The following ATP8B4 variants were observed in gnomAD, a reference collection of about 807,000 sequenced individuals.
The protein encoded by ATP8B4 is ATPase phospholipid transporting 8B4 (putative), also known as probable phospholipid-transporting ATPase IM.
Under a neutral mutation model 145.6 loss-of-function variants are expected in ATP8B4, and 133 were observed. That is an observed-to-expected ratio of 0.91 (90% confidence interval 0.79 to 1.05). ATP8B4 has a LOEUF of 1.05. Among genes scored for constraint, ATP8B4 ranks in the 50% least tolerant of loss-of-function variants. The pLI, the probability that ATP8B4 is intolerant of heterozygous loss-of-function variation, is 0.00. For synonymous variants in ATP8B4, 507 were observed against 492.9 expected (o/e 1.03, Z -0.38); for missense variants, 1,458 against 1,425.2 (o/e 1.02, Z -0.37).
At chr15:50,059,922 G>A (rs2052884791) in intron 3 of ATP8B4, among the ~76,000 whole-genome samples, 1 of 152,084 alleles carries the variant, frequency 6.6e-6, no homozygotes, top group Admixed American at 6.6e-5. Context: ...TTTAGAAACT[G>A]GTTTTCCCCA....
intron 6 of ATP8B4, among the ~76,000 whole-genome samples, chr15:50,031,615 T>C (rs1318985578): frequency 6.6e-6 from 1 of 151,998 alleles, no homozygotes; most frequent in African/African-American, 2.4e-5. Context: ...AGAGAATATT[T>C]AATAAGAGTA....
At chr15:50,039,582 G>T (rs1265663539) in intron 5 of ATP8B4, among the ~76,000 whole-genome samples, 1 of 152,180 alleles carries the variant, frequency 6.6e-6, no homozygotes, top group Non-Finnish European at 1.5e-5. Flanking sequence ...AAGTAATATA[G>T]AGAAAATGGT....
chr15:50,177,601 A>G (rs1053269927), intron 1 of ATP8B4, among the ~76,000 whole-genome samples: 29 of 152,348 alleles, frequency 1.9e-4, no homozygotes, highest in African/African-American at 6.7e-4. Flanking sequence ...GGATCCTCCC[A>G]GAGCCCCTTT....
intron 7 of ATP8B4, among the ~76,000 whole-genome samples, chr15:50,002,666 C>A (rs1393411295): frequency 6.7e-6 from 1 of 149,926 alleles, no homozygotes; most frequent in Non-Finnish European, 1.5e-5. Flanking sequence ...ATGGAGGAAA[C>A]TGAAAAAATA....
At chr15:50,129,067 CA>C (rs1419110893) in intron 1 of ATP8B4, among the ~76,000 whole-genome samples, 1 of 151,892 alleles carries the variant, frequency 6.6e-6, no homozygotes, top group Non-Finnish European at 1.5e-5. Flanking sequence ...GACTCCGTCT[CA>C]AAAAAATAAA....
rs1469282677 is a variant in ATP8B4 at position 49,895,770 on chromosome 15, G to A, written c.2697+1522C>T. The A allele has an allele frequency of 3.3e-5, 5 of 152,348 alleles. No individual in the cohort carries two copies. The East Asian group carries it at 9.6e-4, about 29-fold the overall frequency. 9.4% of individuals were successfully genotyped at this position (152,348 alleles called of 1,614,324 possible). On this transcript the variant is annotated intron_variant, in intron 23 of 27. Transcript: ENST00000284509. ...GAAAATGACCTAAATGTAGAGGTTA[G>A]AAGTCATTGAACGTTAGTTTCAACT... is the stretch of plus-strand genomic sequence containing the variant.
chr15:50,153,405 C>T (rs892396865), intron 1 of ATP8B4, among the ~76,000 whole-genome samples: 3 of 150,196 alleles, frequency 2.0e-5, no homozygotes, highest in Non-Finnish European at 4.4e-5. Context: ...GTGGCACGAT[C>T]TCAGCTCACT....
At chr15:49,897,953 T>G (rs899793941) in intron 22 of ATP8B4, 115 bp downstream of exon 22, 5 of 1,188,600 alleles carry the variant, frequency 4.2e-6, no homozygotes, top group Admixed American at 4.5e-5. Context: ...ATCATTCATT[T>G]TAGAATCACT....
chr15:49,972,793 A>G lies in ATP8B4; in HGVS notation c.1035-3T>C, dbSNP rs2045288392. 1.2e-6 allele frequency: 2 copies of G among 1,609,636 alleles called. No individual in the cohort carries two copies. The highest frequency in any genetic ancestry group is 1.7e-6 in the Non-Finnish European group (2 of 1,178,344). Reference sequence around the variant, plus strand: ...GTCCTAGACGAATTACTTCCACACTATCATCCATTAAAATGGAAAAAAAGA... The same window carrying G: ...GTCCTAGACGAATTACTTCCACACTGTCATCCATTAAAATGGAAAAAAAGA... On this transcript the variant is annotated splice_region_variant and splice_polypyrimidine_tract_variant and intron_variant, in intron 12 of 27. Coordinates refer to ENST00000284509, the MANE Select transcript of ATP8B4 (RefSeq NM_024837.4).
intron 23 of ATP8B4, among the ~76,000 whole-genome samples, chr15:49,884,207 A>G (rs1346580678): frequency 1.3e-5 from 2 of 152,176 alleles, no homozygotes; most frequent in South Asian, 4.1e-4. Context: ...TGAGAACGCC[A>G]GCCAAGCAAG....
chr15:50,021,290 T>C (rs565477037), intron 6 of ATP8B4, among the ~76,000 whole-genome samples: 13 of 152,368 alleles, frequency 8.5e-5, no homozygotes, highest in Admixed American at 8.5e-4. Context: ...CTCTCTCTGC[T>C]GTCTACTGTC....
At chr15:49,999,012 C>A (rs1457452717) in intron 8 of ATP8B4, among the ~76,000 whole-genome samples, 1 of 152,100 alleles carries the variant, frequency 6.6e-6, no homozygotes, top group Admixed American at 6.6e-5. Context: ...TTCCCCATTG[C>A]TTGTTTTTCT....
At chr15:50,132,054 A>AACT (rs1491495860) in intron 1 of ATP8B4, among the ~76,000 whole-genome samples, 9 of 160 alleles carry the variant, frequency 0.056, no homozygotes, top group African/African-American at 0.083. Context: ...TATAGTACTC[A>AACT]CACACACACT....
At chr15:50,024,282 C>T (rs2049838663) in intron 6 of ATP8B4, among the ~76,000 whole-genome samples, 1 of 151,662 alleles carries the variant, frequency 6.6e-6, no homozygotes, top group Non-Finnish European at 1.5e-5. Flanking sequence ...ATAACTGAGC[C>T]TAGAAAGAAA....
intron 1 of ATP8B4, among the ~76,000 whole-genome samples, chr15:50,116,076 G>A (rs1278203010): frequency 6.6e-6 from 1 of 152,154 alleles, no homozygotes; most frequent in Non-Finnish European, 1.5e-5. Flanking sequence ...ACTGGCAAAT[G>A]GGGCTGAATT....
Position 49,890,677 on chromosome 15 carries a change from A to AT in ATP8B4, c.2697+6614dup, listed in dbSNP as rs1238282243. Among the ~76,000 whole-genome samples, 4 of 152,224 alleles carry AT rather than the reference A, an allele frequency of 2.6e-5. No homozygotes were observed. In the East Asian group the frequency reaches 5.8e-4, roughly 22 times the overall value. ...TCTTTTCACTTGCCTCATTTACAGC[A>AT]TATTGTCCTTAGAAAAACAGGACTA... On this transcript the variant is annotated intron_variant, in intron 23 of 27. Transcript: ENST00000284509.
chr15:50,113,541 A>G (rs1595603389), intron 1 of ATP8B4, among the ~76,000 whole-genome samples: 1 of 152,200 alleles, frequency 6.6e-6, no homozygotes, highest in South Asian at 2.1e-4. Flanking sequence ...GGTGTGTGTA[A>G]AAGCCAAATT....
intron 6 of ATP8B4, among the ~76,000 whole-genome samples, chr15:50,028,471 C>T (rs929282266): frequency 1.3e-5 from 2 of 152,184 alleles, no homozygotes; most frequent in African/African-American, 2.4e-5. Flanking sequence ...TACCACCAGG[C>T]ATTGTTTCAT....
intron 25 of ATP8B4, among the ~76,000 whole-genome samples, chr15:49,875,174 G>A (rs1384696884): frequency 6.6e-6 from 1 of 152,086 alleles, no homozygotes. Flanking sequence ...GACTCTTCCA[G>A]GTAATTTATT....
Sources: allele counts gnomAD v4.1 joint callset (sites outside exome capture counted in the v4.1 genomes callset), GRCh38; gene constraint gnomAD v4.1.1; transcripts MANE v1.5; gene names NCBI Gene and HGNC (gene_info 2026-07-23, HGNC 2026-07-21).